The following RBPJ variants were observed in gnomAD, a reference collection of about 807,000 sequenced individuals.
The protein encoded by RBPJ is recombining binding protein suppressor of hairless.
A neutral mutation model predicts 67.8 loss-of-function variants in RBPJ; 9 were observed. The ratio of observed to expected loss-of-function variants is 0.13; its 90% CI spans 0.08 to 0.23. The LOEUF is 0.23. Among genes scored for constraint, RBPJ ranks in the 10% least tolerant of loss-of-function variants. RBPJ has a pLI of 1.00. For synonymous variants in RBPJ, 198 were observed against 203.3 expected (o/e 0.97, Z 0.22); for missense variants, 305 against 595.6 (o/e 0.51, Z 5.08).
intron 1 of RBPJ, among the ~76,000 whole-genome samples, chr4:26,239,382 G>A (rs1442290903): frequency 6.6e-6 from 1 of 152,192 alleles, no homozygotes; most frequent in Admixed American, 6.5e-5. Context: ...AAGAGAAACA[G>A]TGACATAAAG....
the RBPJ span, among the ~76,000 whole-genome samples, chr4:26,145,936 GT>G: frequency 6.7e-6 from 1 of 150,006 alleles, no homozygotes; most frequent in Non-Finnish European, 1.5e-5. Context: ...TCAATTTTTT[GT>G]TTGTTTGTTT....
At chr4:26,133,994 T>G in the RBPJ span, among the ~76,000 whole-genome samples, 1 of 152,058 alleles carries the variant, frequency 6.6e-6, no homozygotes, top group South Asian at 2.1e-4. Context: ...CATAGAAGCT[T>G]CCCTACCCTA....
the RBPJ span, among the ~76,000 whole-genome samples, chr4:26,150,003 A>C: frequency 6.6e-6 from 1 of 152,214 alleles, no homozygotes; most frequent in African/African-American, 2.4e-5. Flanking sequence ...TGCACACTGT[A>C]ACATTCTTGA....
At chr4:26,220,890 TG>T (rs1263328315) in intron 1 of RBPJ, among the ~76,000 whole-genome samples, 4 of 152,222 alleles carry the variant, frequency 2.6e-5, no homozygotes, top group African/African-American at 9.6e-5. Context: ...GAGATCACTA[TG>T]AGGAAATTCA....
At chr4:26,386,485 T>A (rs1730931302) in intron 2 of RBPJ, 94 bp downstream of exon 2, 1 of 805,462 alleles carries the variant, frequency 1.2e-6, no homozygotes, top group South Asian at 1.9e-5. Context: ...ACCCTTAAAG[T>A]CATTCAAATA....
intron 1 of RBPJ, among the ~76,000 whole-genome samples, chr4:26,167,752 T>C (rs1421863473): frequency 6.9e-5 from 10 of 145,522 alleles, no homozygotes; most frequent in Middle Eastern, 6.9e-3. Context: ...TCCAACACTA[T>C]GTTGAATAGG....
At chr4:26,300,743 C>G (rs1722047827) in intron 1 of RBPJ, among the ~76,000 whole-genome samples, 1 of 152,232 alleles carries the variant, frequency 6.6e-6, no homozygotes, top group Admixed American at 6.5e-5. Flanking sequence ...ACCTGTCTCT[C>G]CAGTGCTTAG....
In RBPJ at chr4:26,215,074, A is replaced by AAGAG. The variant is rs139586963; in HGVS notation, c.-167+51464_-167+51467dup. Among the ~76,000 whole-genome samples the AAGAG allele has an allele frequency of 1.2e-3, 77 of 66,230 alleles. 6 individuals carry two copies. Among genetic ancestry groups the AAGAG allele is most frequent in the African/African-American group, 4.6e-3 (74 of 15,992 alleles). 43.4% of individuals were successfully genotyped at this position (66,230 alleles called of 152,430 possible). The stretch of plus-strand genomic sequence containing the variant: ...GAAGAGAGAGAGAAAGAAAGAGAAA[A>AAGAG]AGAGAGAAAAAAGACAGAAAGAGAA... On this transcript the variant is annotated intron_variant, in intron 1 of 4. Coordinates refer to the RBPJ transcript ENST00000512351.
At chr4:26,379,430 C>T (rs769606653) in intron 1 of RBPJ, among the ~76,000 whole-genome samples, 108 of 152,214 alleles carry the variant, frequency 7.1e-4, no homozygotes, top group Non-Finnish European at 1.9e-4. Context: ...GGTTTAATTG[C>T]CTTAGTTCTG....
chr4:26,332,590 A>T (rs1219509063), intron 1 of RBPJ, among the ~76,000 whole-genome samples: 1 of 152,178 alleles, frequency 6.6e-6, no homozygotes, highest in Non-Finnish European at 1.5e-5. Flanking sequence ...ATCTGTATAA[A>T]ATAATCATCT....
At chr4:26,286,555 G>A (rs1277180250) in intron 1 of RBPJ, among the ~76,000 whole-genome samples, 1 of 149,988 alleles carries the variant, frequency 6.7e-6, no homozygotes. Context: ...AATCTCACAT[G>A]TGATCTCTCT....
At position 26,273,632 on chromosome 4, in the gene RBPJ, A is replaced by G. The variant is rs1720983144; in HGVS notation, c.-166-88814A>G. 3.3e-5 allele frequency among the ~76,000 whole-genome samples: 5 copies of G among 152,296 alleles called. No individual in the cohort carries two copies. The South Asian group carries it at 6.2e-4, about 19-fold the overall frequency. ...ACCACTCTGTATCCCACTTGCACCT[A>G]GGGGTACTAATCTTTCTGCAGAAGA... On this transcript the variant is annotated intron_variant, in intron 1 of 4. Transcript: ENST00000512351.
chr4:26,314,515 G>T (rs1722539138), intron 1 of RBPJ, among the ~76,000 whole-genome samples: 1 of 152,108 alleles, frequency 6.6e-6, no homozygotes, highest in Admixed American at 6.6e-5. Flanking sequence ...GGATCATGGG[G>T]GTGGATTTTC....
intron 1 of RBPJ, among the ~76,000 whole-genome samples, chr4:26,364,469 A>G (rs78951641): frequency 1.3e-3 from 203 of 152,298 alleles, no homozygotes; most frequent in African/African-American, 4.7e-3. Context: ...TTGTTTCTTT[A>G]TAATACTTGC....
At chr4:26,185,862 A>G (rs1273081551) in intron 1 of RBPJ, among the ~76,000 whole-genome samples, 1 of 152,192 alleles carries the variant, frequency 6.6e-6, no homozygotes, top group African/African-American at 2.4e-5. Flanking sequence ...CCTGGCCAAC[A>G]TGGTGAAATC....
chr4:26,164,847 G>A (rs973511258), intron 1 of RBPJ, among the ~76,000 whole-genome samples: 1 of 152,164 alleles, frequency 6.6e-6, no homozygotes, highest in Non-Finnish European at 1.5e-5. Flanking sequence ...ATTCCAGAAG[G>A]TGTGGGGTTT....
chr4:26,127,636 G>T, the RBPJ span, among the ~76,000 whole-genome samples: 1 of 152,192 alleles, frequency 6.6e-6, no homozygotes, highest in Non-Finnish European at 1.5e-5. Context: ...AGTACAGTTT[G>T]TATAGGGAAC....
chr4:26,257,760 T>A (rs1342936599), intron 1 of RBPJ, among the ~76,000 whole-genome samples: 1 of 152,246 alleles, frequency 6.6e-6, no homozygotes, highest in Non-Finnish European at 1.5e-5. Flanking sequence ...AACTTAGTTA[T>A]CTTCTCCCTG....
intron 3 of RBPJ, among the ~76,000 whole-genome samples, chr4:26,413,604 A>C (rs1734258476): frequency 6.6e-6 from 1 of 152,230 alleles, no homozygotes; most frequent in Admixed American, 6.5e-5. Flanking sequence ...CTTGTAAGTC[A>C]TATGTAAATT....
Sources: gnomAD v4.1 joint callset for allele counts (sites outside exome capture counted in the v4.1 genomes callset) on GRCh38, gnomAD v4.1.1 for gene constraint, MANE v1.5 for transcripts, NCBI Gene and HGNC (gene_info 2026-07-23, HGNC 2026-07-21) for gene names.